Variants in RELN observed in about 807,000 individuals in gnomAD.
The protein encoded by RELN is reelin.
In RELN, 108 loss-of-function variants were observed where a neutral mutation model predicts 427.6. The observed-to-expected ratio is 0.25, with a 90% CI of 0.22 to 0.30. The LOEUF (loss-of-function observed/expected upper bound fraction) is 0.30, where lower values mean the gene tolerates loss of function less well. RELN is among the 10% of genes least tolerant of loss of function. RELN has a pLI of 1.00. For missense variants in RELN, 3,715 were observed against 4,302.8 expected (o/e 0.86, Z 3.82); for synonymous variants, 1,524 against 1,513.4 (o/e 1.01, Z -0.16).
chr7:103,969,958 A>G (rs910718224), intron 1 of RELN, among the ~76,000 whole-genome samples: 1 of 152,128 alleles, frequency 6.6e-6, no homozygotes, highest in Admixed American at 6.5e-5. Context: ...TTATTCACAG[A>G]TTCCTTATTT....
chr7:103,789,716 T>A (rs902502457), intron 3 of RELN, among the ~76,000 whole-genome samples: 1 of 152,162 alleles, frequency 6.6e-6, no homozygotes. Flanking sequence ...GAAATAGGAA[T>A]GTTATTACAC....
At chr7:103,749,814 G>T (rs1269066294) in intron 5 of RELN, among the ~76,000 whole-genome samples, 1 of 152,206 alleles carries the variant, frequency 6.6e-6, no homozygotes, top group Admixed American at 6.5e-5. Context: ...TTCGGGACTT[G>T]TCTTCCTTCA....
intron 53 of RELN, among the ~76,000 whole-genome samples, chr7:103,500,071 A>G (rs927047842): frequency 3.3e-5 from 5 of 152,334 alleles, no homozygotes; most frequent in South Asian, 4.1e-4. Context: ...TTGGATTTCA[A>G]TCACTAGGAA....
intron 10 of RELN, among the ~76,000 whole-genome samples, chr7:103,685,196 A>G (rs1321221483): frequency 1.3e-5 from 2 of 152,214 alleles, no homozygotes; most frequent in African/African-American, 4.8e-5. Context: ...CAAATGAAAC[A>G]TTCATTGAAA....
rs142831905 is a variant in RELN at position 103,876,320 on chromosome 7, C to T, written c.337+40755G>A. Among the ~76,000 whole-genome samples the T allele has an allele frequency of 3.1e-4, 47 of 152,236 alleles. 1 individual carries two copies. In the South Asian group the frequency reaches 5.2e-3, roughly 17 times the overall value. On this transcript the variant is annotated intron_variant, in intron 2 of 64. Transcript: ENST00000428762. ...AAGGCCATACACAAGGGGAGGCTCA[C>T]ACAAGATAAAGATATGGAGCAGTAA...
intron 1 of RELN, among the ~76,000 whole-genome samples, chr7:103,918,743 A>G (rs1012708399): frequency 6.6e-6 from 1 of 152,156 alleles, no homozygotes; most frequent in Non-Finnish European, 1.5e-5. Flanking sequence ...CCTAGACTTT[A>G]TACATCAGAT....
chr7:103,527,072 A>G lies in RELN; in HGVS notation c.7350-3541T>C, dbSNP rs79705750. 3.4e-3 allele frequency among the ~76,000 whole-genome samples: 512 copies of G among 152,192 alleles called. 3 individuals are homozygous for G. Among genetic ancestry groups the G allele is most frequent in the African/African-American group, 0.012 (485 of 41,520 alleles). Reference sequence around the variant, plus strand: ...CTAAGTAGTTAAAATATTACTGTTAATAGTACGGTTCCCCTCACTGGTCTC... The same window carrying G: ...CTAAGTAGTTAAAATATTACTGTTAGTAGTACGGTTCCCCTCACTGGTCTC... On this transcript the variant is annotated intron_variant, in intron 46 of 64. Coordinates refer to ENST00000428762, the MANE Select transcript of RELN (RefSeq NM_005045.4).
intron 24 of RELN, among the ~76,000 whole-genome samples, chr7:103,597,854 C>T (rs1554387767): frequency 6.6e-6 from 1 of 152,094 alleles, no homozygotes; most frequent in Non-Finnish European, 1.5e-5. Flanking sequence ...GTCATTGTTC[C>T]TGTTGTTCAA....
rs114068197 is a variant in RELN, at chr7:103,761,148, C to T, written c.545-7934G>A. 5.8e-3 allele frequency among the ~76,000 whole-genome samples: 883 copies of T among 152,240 alleles called. 13 individuals are homozygous for T. Among genetic ancestry groups the T allele is most frequent in the African/African-American group, 0.02 (850 of 41,552 alleles). On this transcript the variant is annotated intron_variant, in intron 4 of 64. Transcript: ENST00000428762. ...CCTCAACTTGATTTATGTCTCAAAACAATTTATCATCTTTCATATTCTAAT... is the reference window on the plus strand; with the variant it reads ...CCTCAACTTGATTTATGTCTCAAAATAATTTATCATCTTTCATATTCTAAT...
At chr7:103,540,548 G>T in intron 43 of RELN, 93 bp from the exon 44 acceptor site, 1 of 1,154,158 alleles carries the variant, frequency 8.7e-7, no homozygotes, top group Non-Finnish European at 1.3e-6. Flanking sequence ...GCAGGGGAAC[G>T]AAAGGCCTCA....
chr7:103,827,123 G>A (rs963254426), intron 3 of RELN, among the ~76,000 whole-genome samples: 4 of 151,504 alleles, frequency 2.6e-5, no homozygotes, highest in South Asian at 2.1e-4. Flanking sequence ...TATTTGCTGC[G>A]GCATAAAATT....
At chr7:103,539,026 C>A (rs1830117851) in intron 45 of RELN, 52 bp downstream of exon 45, 2 of 1,608,206 alleles carry the variant, frequency 1.2e-6, no homozygotes, top group Non-Finnish European at 1.7e-6. Flanking sequence ...GAGGCAGCCA[C>A]AGAAGCTCAT....
At chr7:103,740,299 A>T (rs1790608921) in intron 6 of RELN, among the ~76,000 whole-genome samples, 3 of 152,228 alleles carry the variant, frequency 2.0e-5, no homozygotes, top group Non-Finnish European at 4.4e-5. Context: ...TAACTGCTAC[A>T]CTTGTGTAAG....
intron 3 of RELN, among the ~76,000 whole-genome samples, chr7:103,777,463 C>G (rs1278706799): frequency 6.6e-6 from 1 of 152,088 alleles, no homozygotes; most frequent in Non-Finnish European, 1.5e-5. Flanking sequence ...AGCATGAAAT[C>G]TTAACTTTAG....
intron 10 of RELN, among the ~76,000 whole-genome samples, chr7:103,687,061 T>C (rs1833779962): frequency 6.6e-6 from 1 of 152,168 alleles, no homozygotes; most frequent in African/African-American, 2.4e-5. Context: ...TCTGGATTCA[T>C]TAAACACATT....
intron 4 of RELN, among the ~76,000 whole-genome samples, chr7:103,755,204 C>A (rs1468853961): frequency 6.6e-6 from 1 of 152,054 alleles, no homozygotes; most frequent in African/African-American, 2.4e-5. Flanking sequence ...GCCTGTAATC[C>A]CGGCACTTTG....
intron 34 of RELN, among the ~76,000 whole-genome samples, chr7:103,564,369 G>T (rs1584299359): frequency 6.6e-6 from 1 of 152,218 alleles, no homozygotes; most frequent in Non-Finnish European, 1.5e-5. Context: ...GCAGAGCAGA[G>T]AAGCCAGTAG....
At chr7:103,888,714 C>T (rs1794778563) in intron 2 of RELN, among the ~76,000 whole-genome samples, 3 of 152,110 alleles carry the variant, frequency 2.0e-5, no homozygotes, top group African/African-American at 7.2e-5. Context: ...CTTGGTAATC[C>T]ATGAGTGTAT....
intron 6 of RELN, among the ~76,000 whole-genome samples, chr7:103,737,753 C>T (rs772170860): frequency 6.6e-5 from 10 of 152,164 alleles, no homozygotes; most frequent in Non-Finnish European, 1.3e-4. Flanking sequence ...TCTGTGATCG[C>T]TATTTCCCCG....
Sources: gnomAD v4.1 joint callset for allele counts (sites outside exome capture counted in the v4.1 genomes callset) on GRCh38, gnomAD v4.1.1 for gene constraint, MANE v1.5 for transcripts, NCBI Gene and HGNC (gene_info 2026-07-23, HGNC 2026-07-21) for gene names.